MSRA: variants seen among roughly 807,000 people sequenced by gnomAD.
MSRA encodes the protein mitochondrial peptide methionine sulfoxide reductase.
In MSRA, 54 loss-of-function variants were observed where a neutral mutation model predicts 31.3. The ratio of observed to expected loss-of-function variants is 1.73; its 90% CI spans 1.39 to 2.17. The LOEUF is 2.17. Ranked by LOEUF, MSRA falls within the 30% of genes most tolerant of loss-of-function variation. The pLI is 0.00. For missense variants in MSRA, 507 were observed against 300.9 expected (o/e 1.69, Z -5.07); for synonymous variants, 169 against 116.5 (o/e 1.45, Z -2.90).
At chr8:10,378,907 C>T (rs1805899478) in intron 5 of MSRA, among the ~76,000 whole-genome samples, 1 of 152,226 alleles carries the variant, frequency 6.6e-6, no homozygotes, top group African/African-American at 2.4e-5. Flanking sequence ...ACCAACTTAG[C>T]AATAAAAGAG....
intron 1 of MSRA, among the ~76,000 whole-genome samples, chr8:10,196,310 G>A (rs1388963615): frequency 6.6e-6 from 1 of 152,120 alleles, no homozygotes; most frequent in East Asian, 1.9e-4. Context: ...GGAGGCACAC[G>A]TTGGGCTCCA....
chr8:10,210,769 T>C (rs909628833), intron 2 of MSRA, among the ~76,000 whole-genome samples: 1 of 151,894 alleles, frequency 6.6e-6, no homozygotes, highest in Non-Finnish European at 1.5e-5. Context: ...TGTCTTACTC[T>C]GTTGCCCATG....
chr8:10,407,188 A>G (rs1305934549), intron 5 of MSRA, among the ~76,000 whole-genome samples: 1 of 152,188 alleles, frequency 6.6e-6, no homozygotes, highest in Non-Finnish European at 1.5e-5. Context: ...AGACTATGTG[A>G]CATTTTCTTT....
chr8:10,307,315 C>T (rs958174231), intron 4 of MSRA, among the ~76,000 whole-genome samples: 11 of 151,948 alleles, frequency 7.2e-5, no homozygotes, highest in African/African-American at 2.4e-4. Context: ...GACAGGTGCA[C>T]GCCACCATGC....
At chr8:10,106,720 C>T (rs1200333122) in intron 1 of MSRA, among the ~76,000 whole-genome samples, 2 of 152,156 alleles carry the variant, frequency 1.3e-5, no homozygotes, top group African/African-American at 4.8e-5. Context: ...TGTCATGGGA[C>T]CACCAGGAGA....
At chr8:10,384,602 C>G (rs140209490) in intron 5 of MSRA, among the ~76,000 whole-genome samples, 1 of 152,178 alleles carries the variant, frequency 6.6e-6, no homozygotes, top group Admixed American at 6.5e-5. Context: ...GACACAGGCA[C>G]GAGTAGGTAT....
intron 1 of MSRA, among the ~76,000 whole-genome samples, chr8:10,186,029 T>G (rs894503775): frequency 3.3e-5 from 5 of 152,148 alleles, no homozygotes; most frequent in African/African-American, 1.2e-4. Context: ...CATGGCACTT[T>G]CCACACAATA....
intron 1 of MSRA, among the ~76,000 whole-genome samples, chr8:10,201,032 G>A (rs183413122): frequency 3.3e-4 from 50 of 152,206 alleles, no homozygotes; most frequent in Admixed American, 9.2e-4. Context: ...TGACTGACTT[G>A]TACCCTGAAC....
chr8:10,325,051 G>C (rs1283117857), intron 5 of MSRA, among the ~76,000 whole-genome samples: 1 of 152,172 alleles, frequency 6.6e-6, no homozygotes, highest in African/African-American at 2.4e-5. Context: ...TGGGTACTGT[G>C]GCTGGCCTAG....
Position 10,154,149 on chromosome 8 carries a change from G to T in MSRA, c.143-53684G>T, listed in dbSNP as rs567775483. On this transcript the variant is annotated intron_variant, in intron 1 of 5. Coordinates refer to ENST00000317173, the MANE Select transcript of MSRA (RefSeq NM_012331.5). ...AAAGTAGAATGCAAGGGTGGCAAAG[G>T]CCTGATCTTGTTGAGGGATGGGAAT... is the stretch of plus-strand genomic sequence containing the variant. Among the ~76,000 whole-genome samples, 12 of 152,256 alleles carry T rather than the reference G, an allele frequency of 7.9e-5. No homozygotes were observed. In the South Asian group the frequency reaches 2.5e-3, roughly 32 times the overall value.
chr8:10,370,844 G>C (rs1805434629), intron 5 of MSRA, among the ~76,000 whole-genome samples: 1 of 152,238 alleles, frequency 6.6e-6, no homozygotes, highest in Non-Finnish European at 1.5e-5. Flanking sequence ...AGATGAGTCA[G>C]CTTGGGGATA....
At chr8:10,208,414 A>G (rs1809197565) in intron 2 of MSRA, among the ~76,000 whole-genome samples, 1 of 152,166 alleles carries the variant, frequency 6.6e-6, no homozygotes, top group Non-Finnish European at 1.5e-5. Context: ...AAAATGTACA[A>G]TTATGTGGTT....
chr8:10,266,832 G>A (rs76340166), intron 3 of MSRA, among the ~76,000 whole-genome samples: 444 of 152,182 alleles, frequency 2.9e-3, no homozygotes, highest in African/African-American at 9.9e-3. Context: ...ACCCACCGAT[G>A]GTGACAGAAG....
intron 5 of MSRA, among the ~76,000 whole-genome samples, chr8:10,412,519 C>T (rs1808219120): frequency 6.6e-6 from 1 of 152,114 alleles, no homozygotes; most frequent in Non-Finnish European, 1.5e-5. Flanking sequence ...GGGAGCATAC[C>T]AGAATCATGG....
chr8:10,345,995 A>G (rs900380877), intron 5 of MSRA, among the ~76,000 whole-genome samples: 3 of 152,180 alleles, frequency 2.0e-5, no homozygotes, highest in African/African-American at 4.8e-5. Flanking sequence ...TCAGCCATCC[A>G]TTCCTACCTT....
intron 1 of MSRA, among the ~76,000 whole-genome samples, chr8:10,108,859 C>A (rs1045250684): frequency 1.3e-5 from 2 of 152,068 alleles, no homozygotes; most frequent in Non-Finnish European, 2.9e-5. Flanking sequence ...AACATAAAAG[C>A]AGCCCAGAGC....
chr8:10,328,052 T>TA (rs1554528129), intron 5 of MSRA, among the ~76,000 whole-genome samples: 1 of 122,780 alleles, frequency 8.1e-6, no homozygotes, highest in Non-Finnish European at 1.7e-5. Context: ...TTTTTTTTTT[T>TA]AGTATCAGTG....
At chr8:10,208,804 G>T (rs550764850) in intron 2 of MSRA, among the ~76,000 whole-genome samples, 1 of 152,164 alleles carries the variant, frequency 6.6e-6, no homozygotes, top group African/African-American at 2.4e-5. Flanking sequence ...CTGATTTCAC[G>T]CCTCCCGTAG....
intron 1 of MSRA, among the ~76,000 whole-genome samples, chr8:10,148,749 C>G (rs1489543752): frequency 6.7e-6 from 1 of 148,880 alleles, no homozygotes; most frequent in African/African-American, 2.5e-5. Context: ...CTGCAGTGAG[C>G]CAAGATCTCA....
Sources: gnomAD v4.1 joint callset for allele counts (sites outside exome capture counted in the v4.1 genomes callset) on GRCh38, gnomAD v4.1.1 for gene constraint, MANE v1.5 for transcripts, NCBI Gene and HGNC (gene_info 2026-07-23, HGNC 2026-07-21) for gene names.